MID1: variants seen among roughly 807,000 people sequenced by gnomAD.
The protein encoded by MID1 is midline 1, also known as E3 ubiquitin-protein ligase Midline-1.
In MID1, 7 loss-of-function variants were observed where a neutral mutation model predicts 40.4. The observed-to-expected ratio is 0.17, with a 90% CI of 0.10 to 0.33. MID1 has a LOEUF of 0.33. Ranked by LOEUF, MID1 falls within the 10% of genes least tolerant of loss-of-function variation. The pLI is 1.00. For missense variants in MID1, 367 were observed against 558.5 expected (o/e 0.66, Z 3.46); for synonymous variants, 229 against 221.2 (o/e 1.04, Z -0.31).
intron 1 of MID1, among the ~76,000 whole-genome samples, chrX:10,784,402 C>T (rs1030014038): frequency 6.6e-4 from 72 of 109,665 alleles, no homozygotes; most frequent in African/African-American, 2.4e-3. Context: ...GGGAACTCAC[C>T]AACTAACATC....
intron 7 of MID1, among the ~76,000 whole-genome samples, chrX:10,462,862 A>AGAC (rs1929131010): frequency 8.9e-6 from 1 of 112,121 alleles, no homozygotes; most frequent in Non-Finnish European, 1.9e-5. Flanking sequence ...CTCTTCCAAC[A>AGAC]GACTGGACAG....
chrX:10,570,021 T>G (rs760125954), intron 1 of MID1, among the ~76,000 whole-genome samples: 1 of 112,233 alleles, frequency 8.9e-6, no homozygotes, highest in South Asian at 3.7e-4. Flanking sequence ...GAGCCTGTTG[T>G]TAAAACATGA....
chrX:10,595,444 G>C (rs932363796), intron 1 of MID1, among the ~76,000 whole-genome samples: 1 of 111,630 alleles, frequency 9.0e-6, no homozygotes, highest in Admixed American at 9.5e-5. Flanking sequence ...ATTATGTTAG[G>C]TGGAATAAGT....
chrX:10,782,225 C>T (rs1338590480), intron 1 of MID1, among the ~76,000 whole-genome samples: 1 of 111,786 alleles, frequency 8.9e-6, no homozygotes, highest in Non-Finnish European at 1.9e-5. Flanking sequence ...TTCTTCCTCA[C>T]ACCCCACATC....
At chrX:10,641,478 T>C (rs914614814) in intron 1 of MID1, among the ~76,000 whole-genome samples, 3 of 111,743 alleles carry the variant, frequency 2.7e-5, no homozygotes, top group Non-Finnish European at 5.6e-5. Flanking sequence ...AGGAAGAAGT[T>C]GAATCCCTGA....
At chrX:10,674,158 T>C (rs2043006724) in intron 1 of MID1, among the ~76,000 whole-genome samples, 1 of 112,608 alleles carries the variant, frequency 8.9e-6, no homozygotes, top group Admixed American at 9.4e-5. Flanking sequence ...ACGAGAAACC[T>C]TTCTTTTGAA....
At chrX:10,692,380 C>T (rs770522414) in intron 1 of MID1, among the ~76,000 whole-genome samples, 6 of 111,336 alleles carry the variant, frequency 5.4e-5, no homozygotes, top group East Asian at 2.8e-4. Context: ...AAAGAATATA[C>T]GTTGAAATAC....
intron 1 of MID1, among the ~76,000 whole-genome samples, chrX:10,585,487 G>A (rs1935119392): frequency 8.9e-6 from 1 of 112,109 alleles, no homozygotes; most frequent in Non-Finnish European, 1.9e-5. Flanking sequence ...GGAATTTCTG[G>A]TACTGACACA....
intron 6 of MID1, among the ~76,000 whole-genome samples, chrX:10,471,536 G>T (rs1440621313): frequency 1.8e-5 from 2 of 112,104 alleles, no homozygotes; most frequent in African/African-American, 6.5e-5. Flanking sequence ...ATATGTATTT[G>T]TACATCTGTC....
At chrX:10,714,007 T>A (rs2043285152) in intron 1 of MID1, among the ~76,000 whole-genome samples, 1 of 111,877 alleles carries the variant, frequency 8.9e-6, no homozygotes, top group Admixed American at 9.5e-5. Context: ...ACAGCGGGAC[T>A]GAGAACATGG....
intron 1 of MID1, among the ~76,000 whole-genome samples, chrX:10,648,448 C>T (rs994120375): frequency 3.6e-5 from 4 of 112,002 alleles, no homozygotes; most frequent in Non-Finnish European, 7.5e-5. Context: ...AACGCATTCA[C>T]AGGCCAAACA....
At chrX:10,719,027 G>A (rs2043327214) in intron 1 of MID1, among the ~76,000 whole-genome samples, 1 of 111,640 alleles carries the variant, frequency 9.0e-6, no homozygotes, top group Admixed American at 9.5e-5. Context: ...CAATAAATTA[G>A]GTATTGATGG....
At chrX:10,511,496 G>T (rs1303430982) in intron 3 of MID1, among the ~76,000 whole-genome samples, 1 of 111,238 alleles carries the variant, frequency 9.0e-6, no homozygotes, top group Non-Finnish European at 1.9e-5. Flanking sequence ...TGATCCTCCT[G>T]CTTCAGACTC....
intron 1 of MID1, among the ~76,000 whole-genome samples, chrX:10,669,253 AAAAG>A (rs2042973440): frequency 9.4e-6 from 1 of 106,236 alleles, no homozygotes; most frequent in Non-Finnish European, 1.9e-5. Flanking sequence ...AAAAAAAAAA[AAAAG>A]AAATCTAGGA....
chrX:10,468,247 A>G (rs755663158), intron 7 of MID1, among the ~76,000 whole-genome samples: 3 of 111,487 alleles, frequency 2.7e-5, no homozygotes, highest in Non-Finnish European at 5.6e-5. Flanking sequence ...GAAGTTGGAG[A>G]AGTTGGGGAG....
rs1299119217 is a variant in MID1 at position 10,592,278 on chromosome X, A to T, written c.-56-24675T>A. 2.9e-4 allele frequency among the ~76,000 whole-genome samples: 26 copies of T among 89,062 alleles called. 1 individual carries two copies. The highest frequency in any genetic ancestry group is 9.5e-4 in the African/African-American group (23 of 24,290). 77.3% of individuals were successfully genotyped at this position (89,062 alleles called of 115,157 possible). A position where few individuals can be genotyped will look rare whatever the true frequency, so the allele number is the denominator to read the frequency against. ...TTTCCTGCTTAGGGACTGCGTTAAAAAAAAAAAAAAAAAAAAAAAAAAAAA... is the reference window on the plus strand; with the variant it reads ...TTTCCTGCTTAGGGACTGCGTTAAATAAAAAAAAAAAAAAAAAAAAAAAAA... On this transcript the variant is annotated intron_variant, in intron 1 of 9. Coordinates refer to ENST00000317552, the MANE Select transcript of MID1 (RefSeq NM_000381.4).
At chrX:10,506,334 G>T in intron 3 of MID1, 1 of 1,081,350 alleles carries the variant, frequency 9.2e-7, no homozygotes, top group South Asian at 2.6e-5. Context: ...AAGAATGGAT[G>T]GTCAAATTGT....
At chrX:10,611,458 C>T (rs1417210556) in intron 1 of MID1, among the ~76,000 whole-genome samples, 1 of 111,827 alleles carries the variant, frequency 8.9e-6, no homozygotes, top group East Asian at 2.8e-4. Flanking sequence ...ATGAAAAGGG[C>T]AAATTTAAGG....
chrX:10,777,620 A>G (rs1253630752), intron 1 of MID1, among the ~76,000 whole-genome samples: 1 of 106,750 alleles, frequency 9.4e-6, no homozygotes, highest in African/African-American at 3.4e-5. Flanking sequence ...GGCTCATTGC[A>G]ACCTCCACCT....
Sources: allele counts gnomAD v4.1 joint callset (sites outside exome capture counted in the v4.1 genomes callset), GRCh38; gene constraint gnomAD v4.1.1; transcripts MANE v1.5; gene names NCBI Gene and HGNC (gene_info 2026-07-23, HGNC 2026-07-21).